ADCY5: variants seen among roughly 807,000 people sequenced by gnomAD.
The protein encoded by ADCY5 is adenylate cyclase 5, also known as adenylate cyclase type 5.
ADCY5 carries 30 observed loss-of-function variants against 119.7 expected under a neutral mutation model. That is an observed-to-expected ratio of 0.25 (90% CI 0.19 to 0.34). The LOEUF (loss-of-function observed/expected upper bound fraction) is 0.34, where lower values mean the gene tolerates loss of function less well. Ranked by LOEUF, ADCY5 falls within the 10% of genes least tolerant of loss-of-function variation. The pLI, the probability that ADCY5 is intolerant of heterozygous loss-of-function variation, is 1.00. For missense variants in ADCY5, 1,324 were observed against 1,775.2 expected (o/e 0.75, Z 4.57); for synonymous variants, 753 against 762.2 (o/e 0.99, Z 0.20).
chr3:123,380,515 C>T (rs568307952), intron 1 of ADCY5, among the ~76,000 whole-genome samples: 2 of 152,204 alleles, frequency 1.3e-5, no homozygotes, highest in African/African-American at 2.4e-5. Flanking sequence ...TCAGGATGCC[C>T]GGCAGGGCCA....
At chr3:123,357,040 G>A (rs1287496078) in intron 1 of ADCY5, among the ~76,000 whole-genome samples, 1 of 152,146 alleles carries the variant, frequency 6.6e-6, no homozygotes, top group African/African-American at 2.4e-5. Flanking sequence ...AAAACTGTGG[G>A]CACTGCACAT....
chr3:123,289,066 T>G (rs1028438738), intron 19 of ADCY5, among the ~76,000 whole-genome samples: 2 of 152,232 alleles, frequency 1.3e-5, no homozygotes, highest in Admixed American at 6.5e-5. Flanking sequence ...GAGTAAAAAG[T>G]AACTCTTTTT....
intron 1 of ADCY5, among the ~76,000 whole-genome samples, chr3:123,354,044 G>A (rs1369641052): frequency 1.3e-5 from 2 of 152,090 alleles, no homozygotes; most frequent in East Asian, 1.9e-4. Context: ...TGACTCAGAC[G>A]ACTACTGTTG....
At chr3:123,417,032 A>G (rs568390798) in intron 1 of ADCY5, among the ~76,000 whole-genome samples, 141 of 152,200 alleles carry the variant, frequency 9.3e-4, no homozygotes, top group South Asian at 3.3e-3. Context: ...CAGCCTCCAG[A>G]ACTGTGAGAA....
intron 2 of ADCY5, among the ~76,000 whole-genome samples, chr3:123,350,959 G>A (rs1410652414): frequency 1.3e-5 from 2 of 152,180 alleles, no homozygotes; most frequent in African/African-American, 2.4e-5. Context: ...CTGGGGGTGA[G>A]TGTGGTGCAG....
At chr3:123,316,782 T>G (rs1036223675) in intron 11 of ADCY5, among the ~76,000 whole-genome samples, 2 of 152,158 alleles carry the variant, frequency 1.3e-5, no homozygotes, top group African/African-American at 4.8e-5. Flanking sequence ...GTTAATTTTT[T>G]TGGTATATAA....
intron 5 of ADCY5, among the ~76,000 whole-genome samples, chr3:123,329,934 C>T (rs977597570): frequency 4.6e-5 from 7 of 152,212 alleles, no homozygotes; most frequent in South Asian, 4.1e-4. Context: ...CTTAACTCCA[C>T]GGCCACCTCC....
intron 20 of ADCY5, among the ~76,000 whole-genome samples, chr3:123,285,011 T>G (rs1409712716): frequency 3.3e-5 from 5 of 152,166 alleles, no homozygotes; most frequent in Admixed American, 2.0e-4. Flanking sequence ...CAGTGTGGCC[T>G]GTGGTCCATG....
intron 2 of ADCY5, among the ~76,000 whole-genome samples, chr3:123,350,464 G>A (rs1440208976): frequency 6.6e-6 from 1 of 152,260 alleles, no homozygotes; most frequent in African/African-American, 2.4e-5. Flanking sequence ...AGTGTGGGAT[G>A]ACTGGGAGAG....
chr3:123,303,287 C>A, intron 13 of ADCY5, 68 bp from the exon 14 acceptor site: 1 of 1,511,956 alleles, frequency 6.6e-7, no homozygotes, highest in East Asian at 2.3e-5. Flanking sequence ...CAGCCCAGCC[C>A]ACCAGGCCGC....
chr3:123,393,939 G>C (rs535474248), intron 1 of ADCY5, among the ~76,000 whole-genome samples: 3 of 152,154 alleles, frequency 2.0e-5, no homozygotes, highest in Non-Finnish European at 4.4e-5. Context: ...TTCGAGACCA[G>C]GCTGGCCAAC....
At chr3:123,290,052 C>T in intron 18 of ADCY5, 98 bp from the exon 19 acceptor site, 2 of 1,206,022 alleles carry the variant, frequency 1.7e-6, no homozygotes, top group East Asian at 5.1e-5. Flanking sequence ...GCAGCATGGC[C>T]CTTCATGTGT....
intron 19 of ADCY5, chr3:123,287,150 C>T (rs1938828475): frequency 4.9e-6 from 1 of 203,930 alleles, no homozygotes. Flanking sequence ...GGCTGTGTCT[C>T]TCTTCCTCAT....
intron 8 of ADCY5, among the ~76,000 whole-genome samples, chr3:123,322,834 T>G (rs1172918582): frequency 6.6e-6 from 1 of 152,200 alleles, no homozygotes; most frequent in Non-Finnish European, 1.5e-5. Context: ...GGAAAAAGAT[T>G]TAAAAGGCAC....
intron 1 of ADCY5, chr3:123,416,444 C>T (rs1945187780): frequency 1.8e-6 from 2 of 1,085,988 alleles, no homozygotes; most frequent in East Asian, 2.6e-5. Flanking sequence ...TCTGATTTGA[C>T]TAGAAAGGAG....
chr3:123,406,310 C>T lies in ADCY5; in HGVS notation c.1134+41102G>A, dbSNP rs72966550. 3.1e-3 allele frequency among the ~76,000 whole-genome samples: 478 copies of T among 152,356 alleles called. 4 individuals carry two copies. Among genetic ancestry groups the T allele is most frequent in the African/African-American group, 0.011 (457 of 41,572 alleles). The stretch of plus-strand genomic sequence containing the variant: ...TCTTGCCCACATTTCTCCCTGGCTC[C>T]CTCTGCCTCCTGACTGACCCTGGCA... On this transcript the variant is annotated intron_variant, in intron 1 of 20. Coordinates refer to ENST00000462833, the MANE Select transcript of ADCY5 (RefSeq NM_183357.3).
At chr3:123,350,300 C>G (rs1942775429) in intron 2 of ADCY5, among the ~76,000 whole-genome samples, 1 of 152,220 alleles carries the variant, frequency 6.6e-6, no homozygotes. Flanking sequence ...TCCAGTGCCA[C>G]AGCCCAGAGC....
At chr3:123,299,728 C>T (rs1439788073) in intron 15 of ADCY5, among the ~76,000 whole-genome samples, 1 of 152,232 alleles carries the variant, frequency 6.6e-6, no homozygotes. Flanking sequence ...TATCCAGGCA[C>T]CTGCCTCGAG....
chr3:123,304,036 G>A (rs755964968), intron 13 of ADCY5, 31 bp downstream of exon 13: 62 of 1,429,334 alleles, frequency 4.3e-5, no homozygotes, highest in Middle Eastern at 3.5e-4. Flanking sequence ...ATGGGGCTGC[G>A]GAGGTGCTAG....
Sources: gnomAD v4.1 joint callset for allele counts (sites outside exome capture counted in the v4.1 genomes callset) on GRCh38, gnomAD v4.1.1 for gene constraint, MANE v1.5 for transcripts, NCBI Gene and HGNC (gene_info 2026-07-23, HGNC 2026-07-21) for gene names.